Variants in OR6K3 observed in about 807,000 individuals in gnomAD.
OR6K3 encodes olfactory receptor family 6 subfamily K member 3.
For missense variants in OR6K3, 396 were observed against 382.5 expected (o/e 1.04, Z -0.29); for synonymous variants, 169 against 137.7 (o/e 1.23, Z -1.59).
In OR6K3 at chr1:158,717,908, C is replaced by T. The variant is rs375018058; in HGVS notation, c.208G>A (p.Glu70Lys). Residue 70 changes from glutamate to lysine, a missense_variant, in exon 2 of 2, where the codon GAG becomes AAG. Physicochemically the swap from Glu to Lys is moderately conservative, Grantham distance 56. Transcript: ENST00000368145. ...ATGGTGGCTGTGGTGTACCAGATCT[C>T]CAGAAAGGAAAATATACTGATAAAA... ...YNFISIFSFL[E>K]IWYTTATIPK... The T allele has an allele frequency of 5.6e-6, 9 of 1,613,430 alleles. No individual in the cohort carries two copies. Among genetic ancestry groups the T allele is most frequent in the Non-Finnish European group, 7.6e-6 (9 of 1,179,652 alleles).
At chr1:158,721,047 A>C (rs1558016086), upstream of OR6K3, among the ~76,000 whole-genome samples, 6 of 151,960 alleles carry the variant, frequency 3.9e-5, no homozygotes, top group South Asian at 1.2e-3. Context: ...TGTACTATGC[A>C]AAGGGTAGTT....
At position 158,717,004 on chromosome 1, in the gene OR6K3, G is replaced by T. The variant is rs1301671511; in HGVS notation, c.*164C>A. The T allele has an allele frequency of 3.3e-6, 2 of 597,338 alleles. No individual in the cohort carries two copies. The highest frequency in any genetic ancestry group is 5.5e-5 in the Admixed American group (2 of 36,562). The allele number at this position is 597,338 out of a possible 1,614,324, so 37.0% of individuals were successfully genotyped here. On this transcript the variant is annotated 3_prime_UTR_variant, in exon 2 of 2. Transcript: ENST00000368145. Reference sequence around the variant, plus strand: ...GTGGTGGTGCATGCCTGTAATCGCGGCTACTAGGGAGGCTGAGGCAGGAGA... The same window carrying T: ...GTGGTGGTGCATGCCTGTAATCGCGTCTACTAGGGAGGCTGAGGCAGGAGA...
In OR6K3 at chr1:158,718,000, A is replaced by G. The variant is rs1235418939; in HGVS notation, c.116T>C (p.Ile39Thr). The change falls in exon 2 of 2, where the codon ATC (isoleucine) becomes ACC (threonine). Residue 39 changes from isoleucine to threonine, a missense_variant. Coordinates refer to ENST00000368145, the MANE Select transcript of OR6K3 (RefSeq NM_001005327.3). ...AGAGAAGATTAATAAGTTATCAATGATAATAAAAGTATAGATGAAAAGTAA... is the reference window on the plus strand; with the variant it reads ...AGAGAAGATTAATAAGTTATCAATGGTAATAAAAGTATAGATGAAAAGTAA... ...FPLLFIYTFI[I>T]IDNLLIFSAV... is the part of the protein sequence containing the mutation. 6 of 1,612,442 alleles carry G rather than the reference A, an allele frequency of 3.7e-6. No homozygotes were observed. The highest frequency in any genetic ancestry group is 1.3e-5 in the African/African-American group (1 of 74,858).
rs760509758 is a variant in OR6K3 at position 158,717,287 on chromosome 1, A to C, written c.829T>G (p.Phe277Val). The C allele has an allele frequency of 6.2e-7, 1 of 1,613,666 alleles. No homozygotes were observed. Among genetic ancestry groups the C allele is most frequent in the Admixed American group, 1.7e-5 (1 of 59,984 alleles). ...PVLDTAIALM[F>V]TVLAPFFNPI... The stretch of plus-strand genomic sequence containing the variant: ...TTGAAGAATGGAGCAAGTACAGTAA[A>C]CATCAGTGCAATGGCTGTGTCCAAA... The change falls in exon 2 of 2, where the codon TTT becomes GTT. Residue 277 changes from phenylalanine (F) to valine (V), a missense_variant. Coordinates refer to ENST00000368145, the MANE Select transcript of OR6K3 (RefSeq NM_001005327.3).
Position 158,718,022 on chromosome 1 carries a change from G to A in OR6K3, c.94C>T (p.Leu32Phe), listed in dbSNP as rs773001694. ...ATGATAATAAAAGTATAGATGAAAA[G>A]TAAAGGAAAGAAGTACAGGAGACTA... ...DGSLLYFFPLLFIYTFIIIDN... is the reference protein window; with the variant it reads ...DGSLLYFFPLFFIYTFIIIDN... The change falls in exon 2 of 2, where the codon CTT (leucine) becomes TTT (phenylalanine). Residue 32 changes from leucine (L) to phenylalanine (F), a missense_variant. Transcript: ENST00000368145. The A allele has an allele frequency of 1.7e-5, 27 of 1,612,670 alleles. No individual in the cohort carries two copies. In the Admixed American group the frequency reaches 4.5e-4, roughly 27 times the overall value.
chr1:158,718,117 T>C lies in OR6K3; in HGVS notation c.-2A>G. 1 of 1,586,702 alleles carries C rather than the reference T, an allele frequency of 6.3e-7. No individual in the cohort carries two copies. Among genetic ancestry groups the C allele is most frequent in the Non-Finnish European group, 8.6e-7 (1 of 1,159,120 alleles). ...TGTTGATTGGTTTCCGCTCTCCATA[T>C]TTCTAGTAGAGCTACCTGTAAATGG... On this transcript the variant is annotated 5_prime_UTR_variant, in exon 2 of 2. Transcript: ENST00000368145.
At chr1:158,721,889 A>G (rs997579804), upstream of OR6K3, among the ~76,000 whole-genome samples, 3 of 151,932 alleles carry the variant, frequency 2.0e-5, no homozygotes, top group Admixed American at 6.6e-5. Flanking sequence ...ATATTCTTCA[A>G]TATCTCCATT....
upstream of OR6K3, among the ~76,000 whole-genome samples, chr1:158,722,196 TTGTC>T (rs1190940211): frequency 1.3e-5 from 2 of 151,956 alleles, no homozygotes; most frequent in Non-Finnish European, 2.9e-5. Flanking sequence ...CAATCTGTGT[TTGTC>T]TGTGTGTGTG....
Position 158,717,450 on chromosome 1 carries a change from A to C in OR6K3, c.666T>G (p.Thr222=), listed in dbSNP as rs774610899. 1.2e-6 allele frequency: 2 copies of C among 1,613,756 alleles called. No homozygotes were observed. Among genetic ancestry groups the C allele is most frequent in the East Asian group, 4.5e-5 (2 of 44,838 alleles). ...IIALSYVRIV[T]VILRIPSSEG... The stretch of plus-strand genomic sequence containing the variant: ...CAGAAGAGGGAATCCTCAATATCAC[A>C]GTGACAATTCTTACATAGGACAGGG... The change falls in exon 2 of 2, where the codon ACT becomes ACG. Residue 222 remains threonine, a synonymous_variant. Transcript: ENST00000368145.
At chr1:158,724,432 A>C (rs1656343027), upstream of OR6K3, 1 of 232,428 alleles carries the variant, frequency 4.3e-6, no homozygotes, top group Non-Finnish European at 9.9e-6. Context: ...AATAATCAGG[A>C]CAGAGAATAC....
upstream of OR6K3, chr1:158,724,658 T>C (rs570782123): frequency 4.0e-5 from 9 of 227,410 alleles, no homozygotes; most frequent in African/African-American, 9.2e-5. Flanking sequence ...GGGGTCATGA[T>C]GGTTGGGTAG....
At chr1:158,720,167 G>A (rs999682752) in intron 1 of OR6K3, among the ~76,000 whole-genome samples, 20 of 152,142 alleles carry the variant, frequency 1.3e-4, no homozygotes, top group African/African-American at 4.8e-4. Flanking sequence ...TTATTGAAGC[G>A]TTTGTCAGGA....
chr1:158,721,126 C>A (rs1656274732), upstream of OR6K3, among the ~76,000 whole-genome samples: 1 of 151,922 alleles, frequency 6.6e-6, no homozygotes, highest in Non-Finnish European at 1.5e-5. Context: ...ATACTGACAC[C>A]AGAAGATCAT....
intron 1 of OR6K3, among the ~76,000 whole-genome samples, chr1:158,720,166 C>T (rs1269043181): frequency 6.6e-6 from 1 of 151,986 alleles, no homozygotes; most frequent in Non-Finnish European, 1.5e-5. Context: ...TTTATTGAAG[C>T]GTTTGTCAGG....
In OR6K3 at chr1:158,717,373, G is replaced by A. The variant is rs28568406; in HGVS notation, c.743C>T (p.Pro248Leu). The A allele has an allele frequency of 0.38, 619,490 of 1,612,858 alleles. 121,518 individuals carry two copies. Among genetic ancestry groups the A allele is most frequent in the African/African-American group, 0.47 (35,497 of 74,834 alleles). The change falls in exon 2 of 2, where the codon CCG becomes CTG. Residue 248 changes from proline to leucine, a missense_variant. By Grantham distance (98) the Pro-to-Leu change is moderately conservative. Coordinates refer to ENST00000368145, the MANE Select transcript of OR6K3 (RefSeq NM_001005327.3). ...STCAGHLMVF[P>L]IFFGSVSLMY... ...GAGTGATACACTGCCAAAGAATATC[G>A]GGAAGACCATGAGGTGGCCTGCACA...
rs545598197 is a variant in OR6K3, at chr1:158,716,883, A to G, written c.*285T>C. On this transcript the variant is annotated 3_prime_UTR_variant, in exon 2 of 2. Transcript: ENST00000368145. ...CTGTAATCCCAGCATTTTGGGAGGC[A>G]GAGGAGTTTGGATCACCTAAGGTCA... 3.5e-6 allele frequency: 1 copy of G among 283,766 alleles called. No individual in the cohort carries two copies. Among genetic ancestry groups the G allele is most frequent in the African/African-American group, 2.2e-5 (1 of 45,994 alleles). The allele number at this position is 283,766 out of a possible 1,614,324, so 17.6% of individuals were successfully genotyped here. A position where few individuals can be genotyped will look rare whatever the true frequency, so the allele number is the denominator to read the frequency against.
In OR6K3 at chr1:158,716,387, T is replaced by TA. The variant is rs1656144353; in HGVS notation, c.*780dup. 1 of 152,138 alleles carries TA rather than the reference T, an allele frequency of 6.6e-6. No individual in the cohort carries two copies. Among genetic ancestry groups the TA allele is most frequent in the Non-Finnish European group, 1.5e-5 (1 of 68,008 alleles). 9.4% of individuals were successfully genotyped at this position (152,138 alleles called of 1,614,324 possible). A position where few individuals can be genotyped will look rare whatever the true frequency, so the allele number is the denominator to read the frequency against. On this transcript the variant is annotated 3_prime_UTR_variant, in exon 2 of 2. Transcript: ENST00000368145. ...TTATTCTAATGAATAGGTAACTACA[T>TA]AACTAAAAATAAAGATATAACTTAA... is the stretch of plus-strand genomic sequence containing the variant.
rs779254635 is a variant in OR6K3, at chr1:158,717,963, C to A, written c.153G>T (p.Leu51=). The change falls in exon 2 of 2, where the codon CTG becomes CTT. Residue 51 remains leucine, a synonymous_variant. Coordinates refer to ENST00000368145, the MANE Select transcript of OR6K3 (RefSeq NM_001005327.3). The part of the protein sequence containing the change: ...DNLLIFSAVR[L]DTHLHNPMYN... ...ACATGGGGTTGTGGAGATGGGTGTC[C>A]AGCCTTACAGCAGAGAAGATTAATA... is the stretch of plus-strand genomic sequence containing the variant. The A allele has an allele frequency of 2.5e-6, 4 of 1,613,320 alleles. No homozygotes were observed. Among genetic ancestry groups the A allele is most frequent in the Non-Finnish European group, 3.4e-6 (4 of 1,179,536 alleles).
At chr1:158,718,629 A>G (rs991095128) in intron 1 of OR6K3, among the ~76,000 whole-genome samples, 15 of 151,494 alleles carry the variant, frequency 9.9e-5, no homozygotes, top group Non-Finnish European at 2.2e-4. Flanking sequence ...TATGAATACG[A>G]ATAAACATAA....
Sources: gnomAD v4.1 joint callset for allele counts (sites outside exome capture counted in the v4.1 genomes callset) on GRCh38, gnomAD v4.1.1 for gene constraint, MANE v1.5 for transcripts, NCBI Gene and HGNC (gene_info 2026-07-23, HGNC 2026-07-21) for gene names.